The following VCP variants were observed in gnomAD, a reference collection of about 807,000 sequenced individuals.
VCP encodes transitional endoplasmic reticulum ATPase.
In VCP, 6 loss-of-function variants were observed where a neutral mutation model predicts 85.7. The observed-to-expected ratio is 0.07, with a 90% CI of 0.04 to 0.14. The LOEUF is 0.14. Ranked by LOEUF, VCP falls within the 10% of genes least tolerant of loss-of-function variation. The pLI, the probability that VCP is intolerant of heterozygous loss-of-function variation, is 1.00. For missense variants in VCP, 353 were observed against 1,043.4 expected, an observed-to-expected ratio of 0.34 and a Z score of 9.12; for synonymous variants, 384 against 367.1, an observed-to-expected ratio of 1.05 and a Z score of -0.53.
At position 35,063,051 on chromosome 9, in the gene VCP, A is replaced by T. The variant is rs560145873; in HGVS notation, c.738T>A (p.Pro246=). The change falls in exon 7 of 17, where the codon CCT becomes CCA. Residue 246 remains proline, a synonymous_variant. Transcript: ENST00000358901. ...CAATCAGGGTCTTTCCTGTTCCAGG[A>T]GGTCCGTAAAGCAGGATTCCTCTAG... is the stretch of plus-strand genomic sequence containing the variant. ...KPPRGILLYG[P]PGTGKTLIAR... is the part of the protein sequence containing the mutation. 6.2e-7 allele frequency: 1 copy of T among 1,614,108 alleles called. No individual in the cohort carries two copies. Among genetic ancestry groups the T allele is most frequent in the Non-Finnish European group, 8.5e-7 (1 of 1,180,006 alleles).
At position 35,061,743 on chromosome 9, in the gene VCP, A is replaced by T. The variant is rs537403356; in HGVS notation, c.1082-54T>A. The T allele has an allele frequency of 2.0e-6, 3 of 1,500,520 alleles. No homozygotes were observed. The African/African-American group carries it at 4.1e-5, about 21-fold the overall frequency. 93.0% of individuals were successfully genotyped at this position (1,500,520 alleles called of 1,614,324 possible). ...GGCTCATCTCTAGTCCAGAGGTAAG[A>T]GACAGGCCTAGGGTGACCAACCATC... On this transcript the variant is annotated intron_variant, in intron 9 of 16. Coordinates refer to ENST00000358901, the MANE Select transcript of VCP (RefSeq NM_007126.5).
At position 35,064,234 on chromosome 9, in the gene VCP, T is replaced by G. The variant is rs755168304; in HGVS notation, c.628A>C (p.Arg210=). ...EVGYDDIGGC[R]KQLAQIKEMV... Reference sequence around the variant, plus strand: ...TCCTTTATCTGAGCTAGCTGCTTCCTGCAGCCACCAATGTCATCATACCCT... The same window carrying G: ...TCCTTTATCTGAGCTAGCTGCTTCCGGCAGCCACCAATGTCATCATACCCT... The change falls in exon 6 of 17, where the codon AGG becomes CGG. Residue 210 remains arginine (R), a synonymous_variant. Transcript: ENST00000358901. 10 of 1,614,094 alleles carry G rather than the reference T, an allele frequency of 6.2e-6. No homozygotes were observed. The highest frequency in any genetic ancestry group is 8.5e-6 in the Non-Finnish European group (10 of 1,180,030).
chr9:35,057,556 A>G (rs771707534), intron 15 of VCP, 26 bp from the exon 16 acceptor site: 16 of 1,603,826 alleles, frequency 1.0e-5, no homozygotes, highest in Non-Finnish European at 9.3e-6. Context: ...ACAGATCACT[A>G]GGGCTAGTTA....
rs60834503 is a variant in VCP at position 35,060,103 on chromosome 9, C to T, written c.1695+210G>A. ...CCATGACTGTACCACTGCCCTCCAA[C>T]CTGGGCAACAGAGCCAGACCCTGTC... On this transcript the variant is annotated intron_variant, in intron 13 of 16. Transcript: ENST00000358901. Among the ~76,000 whole-genome samples the T allele has an allele frequency of 0.015, 2,224 of 151,866 alleles. 50 individuals carry two copies. Among genetic ancestry groups the T allele is most frequent in the African/African-American group, 0.05 (2,090 of 41,470 alleles).
At chr9:35,060,954 C>T in intron 11 of VCP, 31 bp from the exon 12 acceptor site, 1 of 1,614,198 alleles carries the variant, frequency 6.2e-7, no homozygotes. Context: ...GGGGATGAGA[C>T]TTATCAAGGG....
At chr9:35,072,136 C>T (rs1432367355) in intron 1 of VCP, 4 of 1,388,840 alleles carry the variant, frequency 2.9e-6, no homozygotes, top group East Asian at 3.2e-5. Context: ...GCAAGCCCCG[C>T]CTAGGGGGCG....
intron 1 of VCP, 112 bp downstream of exon 1, chr9:35,072,218 CCCTCTTT>C: frequency 6.9e-7 from 1 of 1,454,126 alleles, no homozygotes; most frequent in Non-Finnish European, 9.1e-7. Context: ...AGCTTCCCTT[CCCTCTTT>C]CCTGGTCTCC....
At chr9:35,067,316 A>T (rs964244718) in intron 3 of VCP, among the ~76,000 whole-genome samples, 45 of 152,216 alleles carry the variant, frequency 3.0e-4, no homozygotes, top group African/African-American at 1.1e-3. Context: ...TTGGTTGGGT[A>T]GGAGTGGCTA....
At chr9:35,060,584 T>G in intron 12 of VCP, 59 bp from the exon 13 acceptor site, 2 of 1,570,964 alleles carry the variant, frequency 1.3e-6, no homozygotes, top group Non-Finnish European at 1.7e-6. Context: ...GAAACCTAAC[T>G]AAACAGAAGC....
intron 3 of VCP, 73 bp from the exon 4 acceptor site, chr9:35,066,890 G>A: frequency 6.2e-7 from 1 of 1,609,280 alleles, no homozygotes; most frequent in Non-Finnish European, 8.5e-7. Flanking sequence ...AAAAGGGCCT[G>A]GCACAGATAG....
chr9:35,066,125 C>CA (rs113734714), intron 4 of VCP, among the ~76,000 whole-genome samples: 5,785 of 142,174 alleles, frequency 0.041, 190 homozygotes, highest in African/African-American at 0.1. Flanking sequence ...CACTCTGTCT[C>CA]AAAAAAAAAA....
Position 35,059,197 on chromosome 9 carries a change from G to A in VCP, c.2027C>T (p.Ala676Val). ...VAKDVDLEFL[A>V]KMTNGFSGAD... ...TCCAGAGAAGCCATTAGTCATTTTA[G>A]CCAGGAACTCCAAGTCCACATCCTA... Residue 676 changes from alanine (A) to valine (V), a missense_variant, in exon 15 of 17, where the codon GCT becomes GTT. Transcript: ENST00000358901. The surrounding 1 kb of genome is among the most constrained non-coding windows in gnomAD (Gnocchi z 4.9). 1 of 1,614,112 alleles carries A rather than the reference G, an allele frequency of 6.2e-7. No individual in the cohort carries two copies. The highest frequency in any genetic ancestry group is 8.5e-7 in the Non-Finnish European group (1 of 1,180,018).
Position 35,063,003 on chromosome 9 carries a change from A to G in VCP, c.786T>C (p.Thr262=), listed in dbSNP as rs762366254. The G allele has an allele frequency of 1.2e-6, 2 of 1,614,144 alleles. No individual in the cohort carries two copies. Among genetic ancestry groups the G allele is most frequent in the South Asian group, 2.2e-5 (2 of 91,088 alleles). The change falls in exon 7 of 17, where the codon ACT becomes ACC. Residue 262 remains threonine, a synonymous_variant. Coordinates refer to ENST00000358901, the MANE Select transcript of VCP (RefSeq NM_007126.5). ...TLIARAVANE[T]GAFFFLINGP... is the part of the protein sequence containing the mutation. ...CATTGATCAAGAAGAAGAAGGCTCC[A>G]GTCTCATTTGCTACAGCTCGAGCAA...
chr9:35,058,231 G>C (rs1048884798), intron 15 of VCP, among the ~76,000 whole-genome samples: 3 of 152,272 alleles, frequency 2.0e-5, no homozygotes, highest in African/African-American at 7.2e-5. Context: ...TTATGGGAGA[G>C]AGAAGGGATG....
At chr9:35,061,950 G>C in intron 9 of VCP, 53 bp downstream of exon 9, 1 of 1,613,734 alleles carries the variant, frequency 6.2e-7, no homozygotes. Context: ...TTAGATGAAG[G>C]AGAGAAGTAG....
intron 10 of VCP, 113 bp downstream of exon 10, chr9:35,061,464 C>T: frequency 9.0e-7 from 1 of 1,113,678 alleles, no homozygotes; most frequent in Non-Finnish European, 1.4e-6. Flanking sequence ...TTCCTTTCCC[C>T]TGTCCAGAAA....
intron 6 of VCP, 120 bp downstream of exon 6, chr9:35,064,034 C>A: frequency 6.6e-7 from 1 of 1,509,574 alleles, no homozygotes; most frequent in Non-Finnish European, 9.1e-7. Flanking sequence ...TACGTTATTG[C>A]CCCTCTAATC....
chr9:35,071,820 T>C (rs1828952083), intron 1 of VCP: 3 of 989,224 alleles, frequency 3.0e-6, no homozygotes, highest in Non-Finnish European at 3.6e-6. Flanking sequence ...CGGCGGGCCT[T>C]CCCCGACCCC....
intron 6 of VCP, 102 bp downstream of exon 6, chr9:35,064,052 A>G (rs558323867): frequency 5.1e-6 from 8 of 1,580,992 alleles, no homozygotes; most frequent in African/African-American, 1.3e-5. Flanking sequence ...ATCCAAGGCA[A>G]TAATGAAAGC....
Sources: allele counts gnomAD v4.1 joint callset (sites outside exome capture counted in the v4.1 genomes callset), GRCh38; gene constraint gnomAD v4.1.1; non-coding constraint Gnocchi (gnomAD v3.1); transcripts MANE v1.5; gene names NCBI Gene and HGNC (gene_info 2026-07-23, HGNC 2026-07-21).